Variants in AFG2A observed in about 807,000 individuals in gnomAD.
AFG2A encodes AAA ATPase AFG2A.
At chr4:123,185,357 A>G in the AFG2A span, among the ~76,000 whole-genome samples, 1 of 152,070 alleles carries the variant, frequency 6.6e-6, no homozygotes, top group Non-Finnish European at 1.5e-5. Flanking sequence ...AACTGTTACA[A>G]TAGCTACTGT....
the AFG2A span, among the ~76,000 whole-genome samples, chr4:122,945,376 C>G: frequency 6.6e-6 from 1 of 152,108 alleles, no homozygotes; most frequent in African/African-American, 2.4e-5. Context: ...GCCTCACTGC[C>G]GCCTTGCAGT....
chr4:123,292,941 G>A, the AFG2A span, among the ~76,000 whole-genome samples: 9 of 152,156 alleles, frequency 5.9e-5, no homozygotes, highest in Admixed American at 2.0e-4. Flanking sequence ...AGAAGCAACT[G>A]GGGGAGCTCT....
chr4:123,143,602 C>T, the AFG2A span, among the ~76,000 whole-genome samples: 1 of 151,824 alleles, frequency 6.6e-6, no homozygotes, highest in Non-Finnish European at 1.5e-5. Flanking sequence ...TTAAAGAAGG[C>T]ATGACTTAAG....
At chr4:123,054,764 C>T in the AFG2A span, among the ~76,000 whole-genome samples, 1 of 151,996 alleles carries the variant, frequency 6.6e-6, no homozygotes, top group East Asian at 1.9e-4. Context: ...TATTCTACAC[C>T]CCACTCTCAT....
the AFG2A span, among the ~76,000 whole-genome samples, chr4:122,950,936 A>G: frequency 6.6e-6 from 1 of 152,176 alleles, no homozygotes; most frequent in Non-Finnish European, 1.5e-5. Flanking sequence ...TCATAGTGGC[A>G]GGCTCCAATT....
chr4:123,171,024 A>G, the AFG2A span, among the ~76,000 whole-genome samples: 1 of 152,202 alleles, frequency 6.6e-6, no homozygotes, highest in African/African-American at 2.4e-5. Context: ...GTGAGTAAGT[A>G]TTAGCTATTG....
chr4:123,127,320 A>G, the AFG2A span, among the ~76,000 whole-genome samples: 10 of 152,214 alleles, frequency 6.6e-5, no homozygotes, highest in Admixed American at 5.9e-4. Context: ...AAATCATAAT[A>G]TCACAGTTTT....
the AFG2A span, among the ~76,000 whole-genome samples, chr4:123,007,642 A>AAATAT: frequency 3.9e-5 from 1 of 25,510 alleles, no homozygotes; most frequent in Non-Finnish European, 1.0e-4. Flanking sequence ...ACACACACAC[A>AAATAT]ACACACACAC....
At chr4:122,928,569 G>A in the AFG2A span, among the ~76,000 whole-genome samples, 37 of 152,128 alleles carry the variant, frequency 2.4e-4, no homozygotes, top group African/African-American at 4.3e-4. Flanking sequence ...AGAAATTTTC[G>A]CTCCTCCCTC....
chr4:122,943,775 G>A, the AFG2A span, among the ~76,000 whole-genome samples: 269 of 152,250 alleles, frequency 1.8e-3, no homozygotes, highest in Non-Finnish European at 2.5e-3. Flanking sequence ...AGCTGGTACC[G>A]GTTGTTCTTT....
chr4:123,130,978 C>T, the AFG2A span, among the ~76,000 whole-genome samples: 1 of 151,276 alleles, frequency 6.6e-6, no homozygotes, highest in African/African-American at 2.4e-5. Flanking sequence ...ATAGTATTAT[C>T]TTATTGTGGT....
At chr4:123,297,650 C>T in the AFG2A span, among the ~76,000 whole-genome samples, 10 of 151,402 alleles carry the variant, frequency 6.6e-5, no homozygotes, top group Admixed American at 4.6e-4. Flanking sequence ...ACCCCAGAGG[C>T]GGAGCTTGCA....
the AFG2A span, among the ~76,000 whole-genome samples, chr4:123,115,197 G>C: frequency 1.3e-5 from 2 of 152,102 alleles, no homozygotes; most frequent in African/African-American, 4.8e-5. Context: ...CCCGGCTCTC[G>C]GTGGCAGCCT....
At chr4:123,287,851 C>A in the AFG2A span, among the ~76,000 whole-genome samples, 5 of 152,046 alleles carry the variant, frequency 3.3e-5, no homozygotes, top group Non-Finnish European at 1.5e-5. Context: ...GAAAACCTTG[C>A]CGAGAAGGTG....
the AFG2A span, among the ~76,000 whole-genome samples, chr4:123,024,162 T>C: frequency 7.6e-6 from 1 of 131,182 alleles, no homozygotes; most frequent in Non-Finnish European, 1.6e-5. Flanking sequence ...GAAGCAAGAG[T>C]ACAATAACAA....
chr4:123,044,933 A>G, the AFG2A span, among the ~76,000 whole-genome samples: 1 of 151,584 alleles, frequency 6.6e-6, no homozygotes, highest in Non-Finnish European at 1.5e-5. Flanking sequence ...GGTTCTTTTT[A>G]TGTTTTCTAT....
chr4:123,173,359 T>G, the AFG2A span, among the ~76,000 whole-genome samples: 2 of 122,146 alleles, frequency 1.6e-5, no homozygotes, highest in Non-Finnish European at 3.5e-5. Flanking sequence ...TTTTTTTTTT[T>G]TTTTTTTTTT....
At chr4:123,036,333 C>T in the AFG2A span, among the ~76,000 whole-genome samples, 1 of 151,958 alleles carries the variant, frequency 6.6e-6, no homozygotes, top group Non-Finnish European at 1.5e-5. Context: ...CAATGACTGG[C>T]AGATGGAAGT....
the AFG2A span, among the ~76,000 whole-genome samples, chr4:123,132,362 T>A: frequency 6.6e-6 from 1 of 152,096 alleles, no homozygotes; most frequent in Non-Finnish European, 1.5e-5. Flanking sequence ...ATTCCACATA[T>A]AAGTGAGATC....
Sources: gnomAD v4.1 joint callset for allele counts (sites outside exome capture counted in the v4.1 genomes callset) on GRCh38, gnomAD v4.1.1 for gene constraint, MANE v1.5 for transcripts, NCBI Gene and HGNC (gene_info 2026-07-23, HGNC 2026-07-21) for gene names.